Variants in RNASEH2B observed in about 807,000 individuals in gnomAD.
RNASEH2B encodes the protein ribonuclease H2 subunit B.
Under a neutral mutation model 45.0 loss-of-function variants are expected in RNASEH2B, and 36 were observed. That is an observed-to-expected ratio of 0.80 (90% CI 0.61 to 1.06). The LOEUF (loss-of-function observed/expected upper bound fraction) is 1.06. Among genes scored for constraint, RNASEH2B ranks in the 50% least tolerant of loss-of-function variants. The probability of loss-of-function intolerance (pLI) is 0.00; values close to 1 mark genes in which losing one functional copy is unlikely to be tolerated. For missense variants in RNASEH2B, 361 were observed against 360.3 expected (o/e 1.00, Z -0.02); for synonymous variants, 119 against 125.7 (o/e 0.95, Z 0.35).
chr13:50,922,822 G>A (rs1255379450), intron 1 of RNASEH2B, among the ~76,000 whole-genome samples: 1 of 152,176 alleles, frequency 6.6e-6, no homozygotes, highest in Non-Finnish European at 1.5e-5. Flanking sequence ...AGGGAAAGTA[G>A]TCAATAGAAA....
At position 50,934,965 on chromosome 13, in the gene RNASEH2B, T is replaced by C; in HGVS notation, c.402T>C (p.Leu134=). 1 of 1,613,350 alleles carries C rather than the reference T, an allele frequency of 6.2e-7. No individual in the cohort carries two copies. Among genetic ancestry groups the C allele is most frequent in the East Asian group, 2.2e-5 (1 of 44,874 alleles). ...TCTTGTTGCTGAAACTTCCTGGACT[T>C]GAGAAGTTACTTCATCATGTGACAG... ...NCILLLKLPG[L]EKLLHHVTEE... is the part of the protein sequence containing the mutation. Residue 134 remains leucine (L), a synonymous_variant, in exon 5 of 11, where the codon CTT becomes CTC. Transcript: ENST00000336617.
At chr13:50,927,315 A>T (rs1424692477) in intron 1 of RNASEH2B, 92 bp from the exon 2 acceptor site, 1 of 791,136 alleles carries the variant, frequency 1.3e-6, no homozygotes, top group Non-Finnish European at 2.2e-6. Context: ...TACAAAAGTC[A>T]TATAAGTAGA....
chr13:50,956,187 G>T, intron 10 of RNASEH2B, 171 bp from the exon 11 acceptor site: 2 of 589,160 alleles, frequency 3.4e-6, no homozygotes, highest in South Asian at 4.1e-5. Context: ...TGTCTCTTAG[G>T]TCTGAATTCT....
At chr13:50,936,334 G>C (rs958868989) in intron 5 of RNASEH2B, 1 of 152,166 alleles carries the variant, frequency 6.6e-6, no homozygotes, top group African/African-American at 2.4e-5. Context: ...GGCTGTTTGG[G>C]TCATAGATGG....
intron 5 of RNASEH2B, chr13:50,942,235 G>A (rs1435431415): frequency 1.3e-5 from 2 of 152,204 alleles, no homozygotes; most frequent in South Asian, 2.1e-4. Flanking sequence ...GGTTGCAGAG[G>A]AAATCATGGT....
intron 4 of RNASEH2B, chr13:50,934,219 T>C: frequency 6.5e-6 from 1 of 152,952 alleles, no homozygotes; most frequent in Non-Finnish European, 1.5e-5. Context: ...AAGAATGATG[T>C]TGTGAATCCA....
intron 1 of RNASEH2B, among the ~76,000 whole-genome samples, chr13:50,913,508 A>T (rs1411439931): frequency 6.6e-6 from 1 of 152,052 alleles, no homozygotes; most frequent in African/African-American, 2.4e-5. Flanking sequence ...AAAAGAAGAA[A>T]AATCATTTCA....
chr13:50,940,058 A>G (rs1277682800), intron 5 of RNASEH2B, among the ~76,000 whole-genome samples: 1 of 152,214 alleles, frequency 6.6e-6, no homozygotes, highest in Non-Finnish European at 1.5e-5. Flanking sequence ...ACAACTCAGG[A>G]ATTCTACTAC....
chr13:50,933,272 C>T (rs894184069), intron 4 of RNASEH2B, among the ~76,000 whole-genome samples: 1 of 152,228 alleles, frequency 6.6e-6, no homozygotes, highest in Admixed American at 6.5e-5. Flanking sequence ...CCCATTAGGA[C>T]CATGACTCTG....
At chr13:50,910,171 GC>G in intron 1 of RNASEH2B, 31 bp downstream of exon 1, 1 of 1,380,380 alleles carries the variant, frequency 7.2e-7, no homozygotes, top group Non-Finnish European at 9.4e-7. Flanking sequence ...GGCGGGGTCG[GC>G]CCAAGAACTG....
chr13:50,965,274 C>A (rs1255159478), intron 9 of RNASEH2B, among the ~76,000 whole-genome samples: 3 of 152,130 alleles, frequency 2.0e-5, no homozygotes, highest in African/African-American at 7.2e-5. Flanking sequence ...GGTTTGTACC[C>A]CAGGAGCAGT....
intron 1 of RNASEH2B, among the ~76,000 whole-genome samples, chr13:50,920,435 G>C (rs1951509559): frequency 6.6e-6 from 1 of 152,168 alleles, no homozygotes; most frequent in Non-Finnish European, 1.5e-5. Context: ...AGAATATAGA[G>C]ACCATGAGAT....
chr13:50,963,744 T>C (rs780756847), intron 9 of RNASEH2B, among the ~76,000 whole-genome samples: 1 of 152,220 alleles, frequency 6.6e-6, no homozygotes, highest in Non-Finnish European at 1.5e-5. Flanking sequence ...CCAGCTTCCC[T>C]CAGTATTAGC....
intron 9 of RNASEH2B, among the ~76,000 whole-genome samples, chr13:50,969,533 A>G (rs1361053535): frequency 1.3e-5 from 2 of 151,740 alleles, no homozygotes; most frequent in Middle Eastern, 3.2e-3. Flanking sequence ...AAAAAAAAAA[A>G]AAAAAGAAAA....
At chr13:50,956,242 T>C in intron 10 of RNASEH2B, 116 bp from the exon 11 acceptor site, 1 of 806,702 alleles carries the variant, frequency 1.2e-6, no homozygotes, top group South Asian at 1.6e-5. Flanking sequence ...AGCATGTTAG[T>C]GGGGGATGCT....
At chr13:50,942,368 A>G (rs780254217) in intron 5 of RNASEH2B, 2 of 152,190 alleles carry the variant, frequency 1.3e-5, no homozygotes, top group Non-Finnish European at 2.9e-5. Context: ...ATCTTCTCAA[A>G]TAGCTATGAT....
intron 5 of RNASEH2B, chr13:50,938,899 A>C (rs549041599): frequency 6.6e-6 from 1 of 152,372 alleles, no homozygotes; most frequent in East Asian, 1.9e-4. Flanking sequence ...ACTGAATTAA[A>C]GACTTACTAT....
At chr13:50,926,158 T>A (rs5008034) in intron 1 of RNASEH2B, among the ~76,000 whole-genome samples, 70,413 of 151,444 alleles carry the variant, frequency 0.46, 16,889 homozygotes, top group African/African-American at 0.51. Context: ...AATCTCAATT[T>A]TTTTTTTCTG....
At chr13:50,941,356 G>A (rs1951831300) in intron 5 of RNASEH2B, 1 of 152,188 alleles carries the variant, frequency 6.6e-6, no homozygotes, top group Admixed American at 6.5e-5. Context: ...AGCCCTGGTA[G>A]CATGGCTCAG....
Sources: allele counts gnomAD v4.1 joint callset (sites outside exome capture counted in the v4.1 genomes callset), GRCh38; gene constraint gnomAD v4.1.1; transcripts MANE v1.5; gene names NCBI Gene and HGNC (gene_info 2026-07-23, HGNC 2026-07-21).